Variants in LRRTM4 observed in about 807,000 individuals in gnomAD.
The protein encoded by LRRTM4 is leucine-rich repeat transmembrane neuronal protein 4.
Under a neutral mutation model 47.6 loss-of-function variants are expected in LRRTM4, and 25 were observed. The observed-to-expected ratio is 0.53, with a 90% confidence interval of 0.38 to 0.73. The LOEUF (loss-of-function observed/expected upper bound fraction) is 0.73. LRRTM4 is among the 30% of genes least tolerant of loss of function. The probability of loss-of-function intolerance (pLI) is 0.00; values close to 1 mark genes in which losing one functional copy is unlikely to be tolerated. For missense variants in LRRTM4, 638 were observed against 713.4 expected, an observed-to-expected ratio of 0.89 and a Z score of 1.20; for synonymous variants, 311 against 269.5, an observed-to-expected ratio of 1.15 and a Z score of -1.51.
intron 3 of LRRTM4, among the ~76,000 whole-genome samples, chr2:77,336,907 A>G (rs2104265622): frequency 6.6e-6 from 1 of 152,230 alleles, no homozygotes; most frequent in South Asian, 2.1e-4. Flanking sequence ...CATCCAAATA[A>G]GAAAAGAAGA....
chr2:76,992,938 G>A (rs1311471572), intron 3 of LRRTM4, among the ~76,000 whole-genome samples: 2 of 151,278 alleles, frequency 1.3e-5, no homozygotes, highest in African/African-American at 4.9e-5. Flanking sequence ...TTAAACCAAT[G>A]AAGCACATTA....
At chr2:77,427,623 A>C (rs946549964) in intron 3 of LRRTM4, among the ~76,000 whole-genome samples, 3 of 152,164 alleles carry the variant, frequency 2.0e-5, no homozygotes, top group Non-Finnish European at 4.4e-5. Flanking sequence ...GCAGTTATAT[A>C]GTTGAGTTGT....
intron 3 of LRRTM4, among the ~76,000 whole-genome samples, chr2:77,158,354 G>T (rs1252236688): frequency 6.6e-6 from 1 of 152,106 alleles, no homozygotes; most frequent in Non-Finnish European, 1.5e-5. Context: ...TTTTACATAT[G>T]TGGTTAAAAA....
chr2:77,519,389 G>T lies in LRRTM4; in HGVS notation c.480C>A (p.Ile160=). The T allele has an allele frequency of 6.2e-7, 1 of 1,613,408 alleles. No homozygotes were observed. Among genetic ancestry groups the T allele is most frequent in the South Asian group, 1.1e-5 (1 of 91,064 alleles). The change falls in exon 3 of 4, where the codon ATC becomes ATA. Residue 160 remains isoleucine, a synonymous_variant. Transcript: ENST00000409884. This position sits in a 1 kb window ranked among gnomAD's most constrained non-coding sequence, Gnocchi z 4.6. ...GTGAGTTAGATCTCAAGTGCAAAATGATGAGTTTCCGAAGGCCTTTAAATT... is the reference window on the plus strand; with the variant it reads ...GTGAGTTAGATCTCAAGTGCAAAATTATGAGTTTCCGAAGGCCTTTAAATT... ...SEQFKGLRKL[I]ILHLRSNSLK...
At chr2:77,004,964 A>ACC (rs1300153552) in intron 3 of LRRTM4, among the ~76,000 whole-genome samples, 8 of 152,086 alleles carry the variant, frequency 5.3e-5, no homozygotes, top group African/African-American at 1.9e-4. Flanking sequence ...TGGAATGGGT[A>ACC]TATTTACCAA....
At chr2:77,169,161 G>A (rs1489656499) in intron 3 of LRRTM4, among the ~76,000 whole-genome samples, 1 of 151,976 alleles carries the variant, frequency 6.6e-6, no homozygotes, top group Non-Finnish European at 1.5e-5. Context: ...ATAAGAACTG[G>A]AAAAAACAAG....
At chr2:76,807,931 TC>T (rs1448151398) in intron 3 of LRRTM4, among the ~76,000 whole-genome samples, 2,985 of 128,170 alleles carry the variant, frequency 0.023, 103 homozygotes, top group African/African-American at 0.08. Flanking sequence ...TTCTTTCCTT[TC>T]CTTTCTTTCT....
At chr2:76,845,542 C>T (rs1671813710) in intron 3 of LRRTM4, among the ~76,000 whole-genome samples, 1 of 152,062 alleles carries the variant, frequency 6.6e-6, no homozygotes, top group East Asian at 1.9e-4. Flanking sequence ...GCAGGCCTGA[C>T]CTGGAGGCTG....
chr2:77,164,767 A>T (rs1298984433), intron 3 of LRRTM4, among the ~76,000 whole-genome samples: 2 of 152,230 alleles, frequency 1.3e-5, no homozygotes, highest in East Asian at 1.9e-4. Context: ...GAAACCAGTG[A>T]GAACAAAGAC....
intron 3 of LRRTM4, among the ~76,000 whole-genome samples, chr2:77,049,432 C>CT (rs1679352632): frequency 6.6e-6 from 1 of 151,326 alleles, no homozygotes; most frequent in Admixed American, 6.6e-5. Context: ...TATAAGTGTT[C>CT]TTCTGAGCCT....
chr2:77,194,524 C>A (rs1172736571), intron 3 of LRRTM4, among the ~76,000 whole-genome samples: 1 of 152,074 alleles, frequency 6.6e-6, no homozygotes, highest in African/African-American at 2.4e-5. Flanking sequence ...TGCTACAATT[C>A]TCAAAAATCT....
intron 3 of LRRTM4, among the ~76,000 whole-genome samples, chr2:77,431,023 G>T (rs534895208): frequency 6.7e-6 from 1 of 148,736 alleles, no homozygotes; most frequent in Non-Finnish European, 1.5e-5. Context: ...TTAGACTCTG[G>T]AACTGGCATG....
At chr2:77,118,006 C>A (rs1321340628) in intron 3 of LRRTM4, among the ~76,000 whole-genome samples, 2 of 151,892 alleles carry the variant, frequency 1.3e-5, no homozygotes, top group African/African-American at 4.8e-5. Flanking sequence ...GCTTATTTCA[C>A]AAGTAAATAA....
In LRRTM4 at chr2:77,068,924, C is replaced by G. The variant is rs183168020; in HGVS notation, c.1552-320008G>C. ...AAACCGCTTAAAGGCATTCTTAAACCACAAACAATAGCATGAGCGATCTGT... is the reference window on the plus strand; with the variant it reads ...AAACCGCTTAAAGGCATTCTTAAACGACAAACAATAGCATGAGCGATCTGT... On this transcript the variant is annotated intron_variant, in intron 3 of 3. Transcript: ENST00000409884. Among the ~76,000 whole-genome samples, 163 of 151,054 alleles carry G rather than the reference C, an allele frequency of 1.1e-3. 1 individual carries two copies. Among genetic ancestry groups the G allele is most frequent in the African/African-American group, 3.9e-3 (156 of 40,364 alleles).
chr2:77,198,306 C>A (rs772019137), intron 3 of LRRTM4, among the ~76,000 whole-genome samples: 2 of 152,098 alleles, frequency 1.3e-5, no homozygotes, highest in Non-Finnish European at 2.9e-5. Context: ...CAGAACAGAG[C>A]CCCAAATCAT....
chr2:77,236,114 T>G (rs1004892935), intron 3 of LRRTM4, among the ~76,000 whole-genome samples: 4 of 152,200 alleles, frequency 2.6e-5, no homozygotes, highest in Admixed American at 1.3e-4. Flanking sequence ...TTGGGCAGTA[T>G]GGTCATTGTA....
chr2:77,514,784 A>C (rs184182111), intron 3 of LRRTM4, among the ~76,000 whole-genome samples: 1 of 152,020 alleles, frequency 6.6e-6, no homozygotes, highest in East Asian at 1.9e-4. Context: ...ACATTGGCTA[A>C]TATATAAAGG....
At chr2:77,462,944 G>A (rs1358321748) in intron 3 of LRRTM4, among the ~76,000 whole-genome samples, 1 of 151,898 alleles carries the variant, frequency 6.6e-6, no homozygotes, top group East Asian at 1.9e-4. Context: ...AAGTTACACA[G>A]AAGAAATGAC....
intron 3 of LRRTM4, among the ~76,000 whole-genome samples, chr2:76,991,491 A>G (rs548511172): frequency 2.0e-3 from 300 of 151,878 alleles, no homozygotes; most frequent in South Asian, 3.3e-3. Context: ...ATTCTCCAAC[A>G]CTGTTATGAA....
Sources: gnomAD v4.1 joint callset for allele counts (sites outside exome capture counted in the v4.1 genomes callset) on GRCh38, gnomAD v4.1.1 for gene constraint, Gnocchi (gnomAD v3.1) non-coding constraint, MANE v1.5 for transcripts, NCBI Gene and HGNC (gene_info 2026-07-23, HGNC 2026-07-21) for gene names.